Variants in SPART observed in about 807,000 individuals in gnomAD.
SPART encodes spastic paraplegia 20 (Troyer syndrome).
Under a neutral mutation model 58.7 loss-of-function variants are expected in SPART, and 35 were observed. The ratio of observed to expected loss-of-function variants is 0.60; its 90% CI spans 0.46 to 0.79. The LOEUF (loss-of-function observed/expected upper bound fraction) is 0.79, where lower values mean the gene tolerates loss of function less well. Ranked by LOEUF, SPART falls within the 30% of genes least tolerant of loss-of-function variation. The pLI is 0.00. For synonymous variants in SPART, 284 were observed against 280.7 expected, an observed-to-expected ratio of 1.01 and a Z score of -0.12; for missense variants, 730 against 786.1, an observed-to-expected ratio of 0.93 and a Z score of 0.85.
chr13:36,337,492 A>G (rs1884127267), intron 1 of SPART, among the ~76,000 whole-genome samples: 1 of 152,158 alleles, frequency 6.6e-6, no homozygotes, highest in South Asian at 2.1e-4. Flanking sequence ...ACAACATCTG[A>G]TGGTTTTATA....
chr13:36,351,607 A>G (rs1489003082), intron 1 of SPART, among the ~76,000 whole-genome samples: 1 of 152,212 alleles, frequency 6.6e-6, no homozygotes, highest in Non-Finnish European at 1.5e-5. Flanking sequence ...TTCTCGGAAG[A>G]AAAATCTACT....
Position 36,335,814 on chromosome 13 carries a change from T to G in SPART, c.17A>C (p.Gln6Pro). MEQEP[Q>P]NGEPAEIKII... ...CTTAATTTCAGCAGGTTCTCCATTT[T>G]GTGGCTCTTGCTCCATTTCTGCAAA... Residue 6 changes from glutamine to proline, a missense_variant, in exon 2 of 9, where the codon CAA becomes CCA. Physicochemically the swap from Gln to Pro is moderately conservative, Grantham distance 76. Transcript: ENST00000438666. 1.2e-6 allele frequency: 2 copies of G among 1,612,400 alleles called. No homozygotes were observed. The highest frequency in any genetic ancestry group is 1.7e-6 in the Non-Finnish European group (2 of 1,180,000).
chr13:36,338,429 C>T (rs9547343), intron 1 of SPART, among the ~76,000 whole-genome samples: 36,878 of 151,998 alleles, frequency 0.24, 4,880 homozygotes, highest in East Asian at 0.51. Context: ...GCACTTACGT[C>T]ACATCAAGAA....
intron 1 of SPART, among the ~76,000 whole-genome samples, chr13:36,342,629 G>A (rs574788750): frequency 2.0e-5 from 3 of 152,190 alleles, no homozygotes; most frequent in African/African-American, 7.2e-5. Flanking sequence ...TCCCGGTTGT[G>A]ACAACCAAAA....
At chr13:36,331,198 C>T (rs901103333) in intron 3 of SPART, among the ~76,000 whole-genome samples, 1 of 152,182 alleles carries the variant, frequency 6.6e-6, no homozygotes, top group Non-Finnish European at 1.5e-5. Context: ...AATTCATATA[C>T]AGGCAATTTG....
chr13:36,326,557 T>A lies in SPART; in HGVS notation c.1288+18A>T, dbSNP rs759658680. ...GCTTAATGTCATACAGGGAAAAAAA[T>A]TAACATTACTGTAATACCTGACAAA... On this transcript the variant is annotated intron_variant, in intron 5 of 8. Coordinates refer to ENST00000438666, the MANE Select transcript of SPART (RefSeq NM_015087.5). The A allele has an allele frequency of 6.2e-7, 1 of 1,612,924 alleles. No individual in the cohort carries two copies. Among genetic ancestry groups the A allele is most frequent in the Non-Finnish European group, 8.5e-7 (1 of 1,179,762 alleles).
At chr13:36,317,509 G>A (rs111533389) in intron 5 of SPART, among the ~76,000 whole-genome samples, 22 of 78,310 alleles carry the variant, frequency 2.8e-4, no homozygotes, top group Non-Finnish European at 4.2e-4. Context: ...TCCGTGCCCC[G>A]ACCCCTTATT....
At chr13:36,352,382 G>A (rs1425827381) in intron 1 of SPART, among the ~76,000 whole-genome samples, 3 of 152,090 alleles carry the variant, frequency 2.0e-5, no homozygotes, top group South Asian at 2.1e-4. Flanking sequence ...GTTATAAATA[G>A]GCTACTGGGT....
intron 5 of SPART, among the ~76,000 whole-genome samples, chr13:36,322,416 C>T (rs896461916): frequency 2.7e-5 from 4 of 150,382 alleles, no homozygotes; most frequent in African/African-American, 7.4e-5. Flanking sequence ...CACTGCACTC[C>T]GACTTGGGTA....
chr13:36,338,665 T>C (rs1426561419), intron 1 of SPART, among the ~76,000 whole-genome samples: 1 of 152,080 alleles, frequency 6.6e-6, no homozygotes, highest in Non-Finnish European at 1.5e-5. Flanking sequence ...TCAGGCATGA[T>C]TAAGGGTAAA....
At chr13:36,324,410 C>G (rs1298551737) in intron 5 of SPART, among the ~76,000 whole-genome samples, 1 of 152,116 alleles carries the variant, frequency 6.6e-6, no homozygotes, top group East Asian at 1.9e-4. Context: ...TTTGGCAGTC[C>G]TAGACTTTGA....
At chr13:36,326,374 T>C in intron 5 of SPART, 1 of 604,254 alleles carries the variant, frequency 1.7e-6, no homozygotes, top group Non-Finnish European at 2.8e-6. Flanking sequence ...AACAGAATAA[T>C]AGGCCAGGAA....
At chr13:36,319,770 C>T (rs949191363) in intron 5 of SPART, among the ~76,000 whole-genome samples, 6 of 143,276 alleles carry the variant, frequency 4.2e-5, no homozygotes, top group Non-Finnish European at 9.3e-5. Flanking sequence ...ACCCTGACAC[C>T]CATCAAGCTC....
intron 1 of SPART, chr13:36,345,499 T>C (rs1274978417): frequency 2.6e-5 from 4 of 152,162 alleles, no homozygotes; most frequent in African/African-American, 7.2e-5. Flanking sequence ...CGCAAATTCG[T>C]TAAATTATGA....
In SPART at chr13:36,370,137, C is replaced by T. The variant is rs4287440; in HGVS notation, c.-51G>A. On this transcript the variant is annotated 5_prime_UTR_variant, in exon 1 of 9. Transcript: ENST00000355182. ...AATCACTTATGATTTCCTTCCAGGACTGAAGAAAACATGCACAGACGGAAG... is the reference window on the plus strand; with the variant it reads ...AATCACTTATGATTTCCTTCCAGGATTGAAGAAAACATGCACAGACGGAAG... The T allele has an allele frequency of 0.7, 106,326 of 152,166 alleles. 37,336 individuals are homozygous for T. Among genetic ancestry groups the T allele is most frequent in the East Asian group, 0.81 (4,204 of 5,174 alleles). 9.4% of individuals were successfully genotyped at this position (152,166 alleles called of 1,614,324 possible). A position where few individuals can be genotyped will look rare whatever the true frequency, so the allele number is the denominator to read the frequency against.
intron 1 of SPART, among the ~76,000 whole-genome samples, chr13:36,359,536 C>T (rs748169300): frequency 6.6e-6 from 1 of 152,180 alleles, no homozygotes; most frequent in African/African-American, 2.4e-5. Context: ...ACAGTCTTAC[C>T]TACTACCTAC....
chr13:36,330,393 A>T (rs1246406020), intron 3 of SPART, among the ~76,000 whole-genome samples: 1 of 151,526 alleles, frequency 6.6e-6, no homozygotes, highest in Non-Finnish European at 1.5e-5. Context: ...CAGGTAGGTC[A>T]TTCTCGGGTG....
chr13:36,352,577 C>T (rs1427024165), intron 1 of SPART, among the ~76,000 whole-genome samples: 1 of 152,084 alleles, frequency 6.6e-6, no homozygotes. Context: ...ACTTACACAG[C>T]ATTTTGTAAT....
In SPART at chr13:36,335,584, C is replaced by G. The variant is rs775558720; in HGVS notation, c.247G>C (p.Glu83Gln). ...SARQMQQKMK[E>Q]TLQNVRTRLE... ...CTGGTGCGTACATTCTGTAGAGTTTCTTTCATTTTCTGTTGCATCTGTCTA... is the reference window on the plus strand; with the variant it reads ...CTGGTGCGTACATTCTGTAGAGTTTGTTTCATTTTCTGTTGCATCTGTCTA... The change falls in exon 2 of 9, where the codon GAA becomes CAA. Residue 83 changes from glutamate (E) to glutamine (Q), a missense_variant. Coordinates refer to ENST00000438666, the MANE Select transcript of SPART (RefSeq NM_015087.5). The G allele has an allele frequency of 6.2e-7, 1 of 1,613,594 alleles. No homozygotes were observed. Among genetic ancestry groups the G allele is most frequent in the Non-Finnish European group, 8.5e-7 (1 of 1,179,878 alleles).
Sources: allele counts gnomAD v4.1 joint callset (sites outside exome capture counted in the v4.1 genomes callset), GRCh38; gene constraint gnomAD v4.1.1; transcripts MANE v1.5; gene names NCBI Gene and HGNC (gene_info 2026-07-23, HGNC 2026-07-21).